Variants in DOCK1 observed in about 807,000 individuals in gnomAD.
DOCK1 encodes the protein dedicator of cytokinesis protein 1.
Under a neutral mutation model 262.7 loss-of-function variants are expected in DOCK1, and 138 were observed. The observed-to-expected ratio is 0.53, with a 90% CI of 0.46 to 0.61. The LOEUF (loss-of-function observed/expected upper bound fraction) is 0.61. Among genes scored for constraint, DOCK1 ranks in the 20% least tolerant of loss-of-function variants. DOCK1 has a pLI of 0.00. For missense variants in DOCK1, 1,908 were observed against 2,370.7 expected, an observed-to-expected ratio of 0.80 and a Z score of 4.05; for synonymous variants, 866 against 867.4, an observed-to-expected ratio of 1.00 and a Z score of 0.03.
rs781623674 is a variant in DOCK1, at chr10:127,175,510, C to T, written c.2847+47746C>T. 8 of 1,608,940 alleles carry T rather than the reference C, an allele frequency of 5.0e-6. No homozygotes were observed. Among genetic ancestry groups the T allele is most frequent in the Middle Eastern group, 1.6e-4 (1 of 6,080 alleles). On this transcript the variant is annotated intron_variant, in intron 27 of 51. Transcript: ENST00000623213. This position sits in a 1 kb window ranked among gnomAD's most constrained non-coding sequence, Gnocchi z 6.3. Reference sequence around the variant, plus strand: ...GCAGTTTCCGAGGGCGCCTGGAGCCCGTTGAGATGTGTGGCTCTCCTCCGC... The same window carrying T: ...GCAGTTTCCGAGGGCGCCTGGAGCCTGTTGAGATGTGTGGCTCTCCTCCGC...
intron 6 of DOCK1, among the ~76,000 whole-genome samples, chr10:126,994,848 G>A (rs564757732): frequency 3.3e-5 from 5 of 152,292 alleles, no homozygotes; most frequent in South Asian, 2.1e-4. Context: ...CCTCCCAGAC[G>A]GGGTGGCCAC....
At chr10:127,218,352 C>G (rs2134409180) in intron 27 of DOCK1, among the ~76,000 whole-genome samples, 1 of 152,308 alleles carries the variant, frequency 6.6e-6, no homozygotes, top group African/African-American at 2.4e-5. Flanking sequence ...AACTTTTGAA[C>G]TTCAAGGGAT....
intron 27 of DOCK1, among the ~76,000 whole-genome samples, chr10:127,144,767 A>G (rs2051629776): frequency 6.6e-6 from 1 of 152,148 alleles, no homozygotes; most frequent in Non-Finnish European, 1.5e-5. Context: ...GAAATGATTC[A>G]CCGTAACTTT....
chr10:127,373,938 T>C, intron 34 of DOCK1, 72 bp downstream of exon 34: 3 of 1,542,522 alleles, frequency 1.9e-6, no homozygotes, highest in Non-Finnish European at 2.6e-6. Flanking sequence ...TAGACTACAA[T>C]GAACTTTGTA....
intron 27 of DOCK1, among the ~76,000 whole-genome samples, chr10:127,164,127 C>CTTGGCCCT (rs1326707280): frequency 6.8e-6 from 1 of 146,148 alleles, no homozygotes; most frequent in African/African-American, 2.5e-5. Context: ...CTCTTTCTCC[C>CTTGGCCCT]TTGGCCCTTT....
At chr10:127,028,158 C>T (rs943188763) in intron 16 of DOCK1, among the ~76,000 whole-genome samples, 2 of 152,116 alleles carry the variant, frequency 1.3e-5, no homozygotes, top group Non-Finnish European at 2.9e-5. Flanking sequence ...GGTTCAGTTA[C>T]AAGGGCATCA....
intron 30 of DOCK1, among the ~76,000 whole-genome samples, chr10:127,341,090 T>C (rs932644820): frequency 6.6e-6 from 1 of 152,198 alleles, no homozygotes; most frequent in Non-Finnish European, 1.5e-5. Flanking sequence ...CTGTGTGGTT[T>C]TGTGTTTTTG....
At chr10:126,971,176 G>T (rs566629942) in intron 2 of DOCK1, among the ~76,000 whole-genome samples, 1 of 151,394 alleles carries the variant, frequency 6.6e-6, no homozygotes, top group East Asian at 2.0e-4. Context: ...TTAGCCTCCC[G>T]AGTAGCTGGG....
chr10:127,147,855 A>C (rs2052045424), intron 27 of DOCK1, among the ~76,000 whole-genome samples: 1 of 151,464 alleles, frequency 6.6e-6, no homozygotes, highest in African/African-American at 2.4e-5. Flanking sequence ...ATATGGTGAA[A>C]CCCCATCTCT....
intron 27 of DOCK1, among the ~76,000 whole-genome samples, chr10:127,241,574 C>T (rs2059266006): frequency 6.6e-6 from 1 of 152,060 alleles, no homozygotes; most frequent in South Asian, 2.1e-4. Context: ...CTTTTGGAAC[C>T]TCCATGCTTA....
chr10:127,280,033 T>TATATATATATATAA (rs1297666883), intron 29 of DOCK1, among the ~76,000 whole-genome samples: 1 of 107,296 alleles, frequency 9.3e-6, no homozygotes, highest in African/African-American at 3.5e-5. Flanking sequence ...TATATATATA[T>TATATATATATATAA]AATTTTTTTT....
At chr10:126,912,890 A>C (rs944593269) in intron 1 of DOCK1, among the ~76,000 whole-genome samples, 1 of 152,136 alleles carries the variant, frequency 6.6e-6, no homozygotes, top group Middle Eastern at 3.4e-3. Context: ...ACACTGACAT[A>C]TGGATTTGGA....
intron 49 of DOCK1, 86 bp from the exon 50 acceptor site, chr10:127,444,040 C>G: frequency 6.6e-7 from 1 of 1,505,730 alleles, no homozygotes; most frequent in Non-Finnish European, 8.9e-7. Flanking sequence ...TAATGGGGGT[C>G]AGGACTTCAA....
chr10:127,086,094 C>T (rs912717974), intron 23 of DOCK1, among the ~76,000 whole-genome samples: 2 of 152,122 alleles, frequency 1.3e-5, no homozygotes, highest in African/African-American at 2.4e-5. Flanking sequence ...TTCAGGAGTT[C>T]GTGACTCGGT....
chr10:127,430,995 T>C (rs549810388), intron 47 of DOCK1, among the ~76,000 whole-genome samples: 1 of 152,344 alleles, frequency 6.6e-6, no homozygotes, highest in East Asian at 1.9e-4. Flanking sequence ...TAAGGAGCCC[T>C]GTGGGCTTCC....
chr10:127,342,919 C>T (rs2063494982), intron 30 of DOCK1, among the ~76,000 whole-genome samples: 1 of 152,140 alleles, frequency 6.6e-6, no homozygotes, highest in African/African-American at 2.4e-5. Context: ...CTATACTATT[C>T]TTAAGTGAGG....
chr10:127,374,258 C>G, intron 35 of DOCK1, 44 bp downstream of exon 35: 1 of 1,570,988 alleles, frequency 6.4e-7, no homozygotes, highest in African/African-American at 1.4e-5. Flanking sequence ...TCACAGCACA[C>G]CAGAAACTGA....
chr10:127,442,129 C>T (rs10765095), intron 49 of DOCK1, among the ~76,000 whole-genome samples: 47,371 of 152,062 alleles, frequency 0.31, 7,935 homozygotes, highest in East Asian at 0.48. Context: ...CAGCACAGGA[C>T]AGTTCTGGAA....
intron 29 of DOCK1, among the ~76,000 whole-genome samples, chr10:127,317,443 G>A (rs1430686902): frequency 6.6e-6 from 1 of 152,210 alleles, no homozygotes; most frequent in East Asian, 1.9e-4. Context: ...TGATTTGCAG[G>A]TGTGCAACCT....
Sources: gnomAD v4.1 joint callset for allele counts (sites outside exome capture counted in the v4.1 genomes callset) on GRCh38, gnomAD v4.1.1 for gene constraint, Gnocchi (gnomAD v3.1) non-coding constraint, MANE v1.5 for transcripts, NCBI Gene and HGNC (gene_info 2026-07-23, HGNC 2026-07-21) for gene names.